CELF2: variants seen among roughly 807,000 people sequenced by gnomAD.
The protein encoded by CELF2 is CUG triplet repeat RNA-binding protein 2.
CELF2 carries 8 observed loss-of-function variants against 62.6 expected under a neutral mutation model. The observed-to-expected ratio is 0.13, with a 90% CI of 0.07 to 0.23. The LOEUF is 0.23. CELF2 is among the 10% of genes least tolerant of loss of function. The pLI, the probability that CELF2 is intolerant of heterozygous loss-of-function variation, is 1.00. For missense variants in CELF2, 333 were observed against 671.0 expected (o/e 0.50, Z 5.56); for synonymous variants, 258 against 250.0 (o/e 1.03, Z -0.30).
At chr10:10,616,295 G>GGTGT in the CELF2 span, among the ~76,000 whole-genome samples, 4,954 of 143,912 alleles carry the variant, frequency 0.034, 83 homozygotes, top group Middle Eastern at 0.051. Context: ...TTTTGTTTGG[G>GGTGT]GTGTGTGTGT....
chr10:10,648,729 T>A, the CELF2 span, among the ~76,000 whole-genome samples: 8 of 152,226 alleles, frequency 5.3e-5, no homozygotes, highest in African/African-American at 1.9e-4. Flanking sequence ...TAATTTTGTT[T>A]CTTAATATCC....
At position 11,118,011 on chromosome 10, in the gene CELF2, A is replaced by G. The variant is rs182308061; in HGVS notation, c.75-47475A>G. ...CTCTGCTTCTATGTTTTTAAAAAAC[A>G]AAAGGGTAATCAGAAGCATTTAATT... On this transcript the variant is annotated intron_variant, in intron 1 of 12. Coordinates refer to ENST00000633077, the MANE Select transcript of CELF2 (RefSeq NM_001326342.2). 1.2e-3 allele frequency among the ~76,000 whole-genome samples: 185 copies of G among 152,336 alleles called. 2 individuals carry two copies. The highest frequency in any genetic ancestry group is 7.4e-5 in the Non-Finnish European group (5 of 68,020).
At chr10:11,136,850 T>C (rs1349953409) in intron 1 of CELF2, among the ~76,000 whole-genome samples, 3 of 152,202 alleles carry the variant, frequency 2.0e-5, no homozygotes, top group Non-Finnish European at 2.9e-5. Context: ...TACAATTTGC[T>C]GCCGTAAGGT....
intron 1 of CELF2, among the ~76,000 whole-genome samples, chr10:10,823,720 A>G (rs111827878): frequency 2.4e-4 from 37 of 152,340 alleles, no homozygotes; most frequent in African/African-American, 8.7e-4. Flanking sequence ...CTCACCTGCT[A>G]TTTAATCATT....
At chr10:10,960,205 G>A (rs1251684976) in intron 2 of CELF2, 2 of 152,220 alleles carry the variant, frequency 1.3e-5, no homozygotes, top group Non-Finnish European at 2.9e-5. Flanking sequence ...AAGAACAAAG[G>A]TGGAGGCATT....
the CELF2 span, among the ~76,000 whole-genome samples, chr10:10,743,421 GC>G: frequency 6.6e-6 from 1 of 152,138 alleles, no homozygotes; most frequent in Non-Finnish European, 1.5e-5. Context: ...ATCAAGTATT[GC>G]CCTTTGAGAA....
chr10:11,203,087 T>C (rs929121095), intron 2 of CELF2, among the ~76,000 whole-genome samples: 1 of 152,130 alleles, frequency 6.6e-6, no homozygotes, highest in African/African-American at 2.4e-5. Flanking sequence ...TTTTCTTTTT[T>C]CTGAAGGTTT....
chr10:10,846,711 A>G (rs1374312939), intron 1 of CELF2, among the ~76,000 whole-genome samples: 1 of 152,254 alleles, frequency 6.6e-6, no homozygotes, highest in Non-Finnish European at 1.5e-5. Flanking sequence ...AACACTGAGC[A>G]GAACGATGCC....
chr10:10,522,147 A>C, the CELF2 span, among the ~76,000 whole-genome samples: 1 of 152,208 alleles, frequency 6.6e-6, no homozygotes, highest in Non-Finnish European at 1.5e-5. Flanking sequence ...TTTTTCTTGG[A>C]GCCAAAATGG....
At chr10:10,921,180 C>G (rs1042146943) in intron 2 of CELF2, among the ~76,000 whole-genome samples, 1 of 152,080 alleles carries the variant, frequency 6.6e-6, no homozygotes, top group Admixed American at 6.5e-5. Flanking sequence ...GTCTCAAATT[C>G]CTGACCTCAG....
the CELF2 span, among the ~76,000 whole-genome samples, chr10:10,588,191 C>T: frequency 1.3e-5 from 2 of 152,070 alleles, no homozygotes; most frequent in African/African-American, 2.4e-5. Flanking sequence ...TGACCCATTA[C>T]CCCAAATCCC....
the CELF2 span, among the ~76,000 whole-genome samples, chr10:10,754,322 T>G: frequency 6.6e-6 from 1 of 151,958 alleles, no homozygotes; most frequent in Non-Finnish European, 1.5e-5. Context: ...TATTTTTTTA[T>G]TTTATTTTTT....
At position 11,318,900 on chromosome 10, in the gene CELF2, CAG is replaced by C. The variant is rs1236210392; in HGVS notation, c.1097-2288_1097-2287del. The C allele has an allele frequency of 2.1e-6, 1 of 471,084 alleles. No homozygotes were observed. The highest frequency in any genetic ancestry group is 4.4e-6 in the Non-Finnish European group (1 of 227,066). 29.2% of individuals were successfully genotyped at this position (471,084 alleles called of 1,614,324 possible). On this transcript the variant is annotated intron_variant, in intron 10 of 12. Transcript: ENST00000633077. This position sits in a 1 kb window ranked among gnomAD's most constrained non-coding sequence, Gnocchi z 5.4. ...AGGATCCCCCGTGGGTCTCACATGACAGGGCCTGAAAACTCCCACCCGCAGCA... is the reference window on the plus strand; with the variant it reads ...AGGATCCCCCGTGGGTCTCACATGACGGCCTGAAAACTCCCACCCGCAGCA...
At chr10:10,932,820 G>A (rs2066223775) in intron 2 of CELF2, among the ~76,000 whole-genome samples, 1 of 152,120 alleles carries the variant, frequency 6.6e-6, no homozygotes, top group Non-Finnish European at 1.5e-5. Flanking sequence ...TATCCCTTCT[G>A]CAACCAGAAA....
At chr10:11,043,144 C>G (rs1400260862) in intron 1 of CELF2, among the ~76,000 whole-genome samples, 3 of 152,340 alleles carry the variant, frequency 2.0e-5, no homozygotes, top group Non-Finnish European at 4.4e-5. Context: ...GAGGTTCCAA[C>G]TTGCTGCATC....
At chr10:11,072,699 C>T (rs927139704) in intron 1 of CELF2, among the ~76,000 whole-genome samples, 17 of 152,202 alleles carry the variant, frequency 1.1e-4, no homozygotes, top group African/African-American at 3.9e-4. Context: ...TATCTCCCAT[C>T]CCTGTGGAGT....
At chr10:10,521,242 G>A in the CELF2 span, among the ~76,000 whole-genome samples, 1 of 152,164 alleles carries the variant, frequency 6.6e-6, no homozygotes, top group Non-Finnish European at 1.5e-5. Context: ...AGTGAGCACA[G>A]TTACCGCAGA....
intron 2 of CELF2, among the ~76,000 whole-genome samples, chr10:10,966,242 A>G (rs2050110209): frequency 6.6e-6 from 1 of 152,224 alleles, no homozygotes; most frequent in Non-Finnish European, 1.5e-5. Context: ...GCCCACTCAC[A>G]CAACCCCTTT....
rs770985205 is a variant in CELF2, at chr10:11,220,861, C to G, written c.354+3354C>G. Among the ~76,000 whole-genome samples the G allele has an allele frequency of 5.9e-5, 9 of 152,210 alleles. No individual in the cohort carries two copies. The highest frequency in any genetic ancestry group is 1.0e-4 in the Non-Finnish European group (7 of 68,036). ...TTTCATGAGATTAATCCCAAATGAT[C>G]ATGGAGTGCCTACAGTGTGCCTAGC... On this transcript the variant is annotated intron_variant, in intron 3 of 12. Coordinates refer to ENST00000633077, the MANE Select transcript of CELF2 (RefSeq NM_001326342.2). The surrounding 1 kb of genome is among the most constrained non-coding windows in gnomAD (Gnocchi z 4.4).
Sources: allele counts gnomAD v4.1 joint callset (sites outside exome capture counted in the v4.1 genomes callset), GRCh38; gene constraint gnomAD v4.1.1; non-coding constraint Gnocchi (gnomAD v3.1); transcripts MANE v1.5; gene names NCBI Gene and HGNC (gene_info 2026-07-23, HGNC 2026-07-21).